AXDND1: variants seen among roughly 807,000 people sequenced by gnomAD.
AXDND1 encodes the protein axonemal dynein light chain domain-containing protein 1.
A neutral mutation model predicts 137.5 loss-of-function variants in AXDND1; 110 were observed. The observed-to-expected ratio is 0.80, with a 90% CI of 0.69 to 0.94. AXDND1 has a LOEUF of 0.94. AXDND1 is among the 40% of genes least tolerant of loss of function. AXDND1 has a pLI of 0.00. For missense variants in AXDND1, 1,191 were observed against 1,169.8 expected (o/e 1.02, Z -0.26); for synonymous variants, 414 against 399.7 (o/e 1.04, Z -0.43).
chr1:179,424,784 T>G (rs1309883898), intron 12 of AXDND1, among the ~76,000 whole-genome samples: 1 of 152,192 alleles, frequency 6.6e-6, no homozygotes, highest in Non-Finnish European at 1.5e-5. Flanking sequence ...AAGTAGCCTG[T>G]ATTTGGGTTC....
intron 16 of AXDND1, among the ~76,000 whole-genome samples, chr1:179,463,111 C>G (rs887644298): frequency 1.3e-5 from 2 of 152,204 alleles, no homozygotes; most frequent in African/African-American, 2.4e-5. Context: ...TTTTGTGTCT[C>G]TATCTCCTCA....
Position 179,486,139 on chromosome 1 carries a change from A to AAAAAAAAACT in AXDND1, c.2091+2920_2091+2921insAAAAAACTAA, listed in dbSNP as rs149119239. Among the ~76,000 whole-genome samples, 55 of 87,774 alleles carry AAAAAAAAACT rather than the reference A, an allele frequency of 6.3e-4. 1 individual carries two copies. Among genetic ancestry groups the AAAAAAAAACT allele is most frequent in the African/African-American group, 6.7e-4 (18 of 26,940 alleles). The allele number at this position is 87,774 out of a possible 152,430, so 57.6% of individuals were successfully genotyped here. ...TGTCTCAAAAAAAAAAAAAAAAAAA[A>AAAAAAAAACT]AACCTGATAGAAATGAAAAACACAC... On this transcript the variant is annotated intron_variant, in intron 18 of 25. Coordinates refer to ENST00000367618, the MANE Select transcript of AXDND1 (RefSeq NM_144696.6).
chr1:179,441,254 G>A (rs1658948789), intron 15 of AXDND1, among the ~76,000 whole-genome samples: 2 of 152,100 alleles, frequency 1.3e-5, no homozygotes, highest in Non-Finnish European at 2.9e-5. Flanking sequence ...CGTTGGGTGG[G>A]GCACAGCATT....
At chr1:179,548,113 C>G (rs1672814614) in intron 25 of AXDND1, among the ~76,000 whole-genome samples, 1 of 152,140 alleles carries the variant, frequency 6.6e-6, no homozygotes, top group South Asian at 2.1e-4. Flanking sequence ...GAACAACCAC[C>G]CTGGGAGCAG....
intron 17 of AXDND1, among the ~76,000 whole-genome samples, chr1:179,478,605 G>A (rs1248935927): frequency 6.6e-6 from 1 of 152,238 alleles, no homozygotes; most frequent in Non-Finnish European, 1.5e-5. Flanking sequence ...TCAGGCCTGT[G>A]ATAGGAGAGG....
chr1:179,382,585 C>T (rs1648555036), intron 6 of AXDND1, 115 bp from the exon 7 acceptor site: 1 of 671,102 alleles, frequency 1.5e-6, no homozygotes, highest in Non-Finnish European at 2.6e-6. Flanking sequence ...AGTACTCATT[C>T]CTTTTAGTGG....
chr1:179,402,890 A>G (rs1652322457), intron 11 of AXDND1, among the ~76,000 whole-genome samples: 1 of 152,216 alleles, frequency 6.6e-6, no homozygotes, highest in Admixed American at 6.5e-5. Flanking sequence ...TCATATTGCT[A>G]AATCCAATGA....
At chr1:179,377,696 G>A (rs908340658) in intron 4 of AXDND1, among the ~76,000 whole-genome samples, 2 of 152,174 alleles carry the variant, frequency 1.3e-5, no homozygotes, top group African/African-American at 4.8e-5. Flanking sequence ...GGGAAGCATG[G>A]TAGAAGATAA....
intron 21 of AXDND1, among the ~76,000 whole-genome samples, chr1:179,516,165 T>C (rs2125659365): frequency 6.6e-6 from 1 of 152,246 alleles, no homozygotes; most frequent in South Asian, 2.1e-4. Context: ...CTTTTTTCTT[T>C]GTCTTTGTTG....
chr1:179,391,298 C>T (rs937808076), intron 9 of AXDND1, among the ~76,000 whole-genome samples: 6 of 151,746 alleles, frequency 4.0e-5, no homozygotes, highest in Non-Finnish European at 7.4e-5. Context: ...TTTTTGGTTA[C>T]ACAGATAAGT....
intron 11 of AXDND1, among the ~76,000 whole-genome samples, chr1:179,408,964 CT>C (rs1260445380): frequency 1.4e-5 from 1 of 71,976 alleles, no homozygotes; most frequent in Non-Finnish European, 2.8e-5. Context: ...TTCTTTTTTT[CT>C]TTCTTTTTTT....
At chr1:179,421,912 C>T (rs369838635) in intron 12 of AXDND1, among the ~76,000 whole-genome samples, 388 of 151,808 alleles carry the variant, frequency 2.6e-3, no homozygotes, top group Non-Finnish European at 4.1e-3. Context: ...TGGTGGCAGG[C>T]GCCTGTAATC....
chr1:179,369,507 C>T (rs1667814533), intron 3 of AXDND1, among the ~76,000 whole-genome samples: 1 of 152,092 alleles, frequency 6.6e-6, no homozygotes, highest in Admixed American at 6.6e-5. Context: ...CAAAAATTAG[C>T]TGGGCATAGT....
At position 179,457,086 on chromosome 1, in the gene AXDND1, C is replaced by G. The variant is rs1024043799; in HGVS notation, c.1799-11357C>G. On this transcript the variant is annotated intron_variant, in intron 16 of 25. Transcript: ENST00000367618. ...CTTGAGACAGCTCTCTTTGGTTCCA[C>G]AACTCTTCCATCCACCTTTTGTGGC... 7 of 1,335,166 alleles carry G rather than the reference C, an allele frequency of 5.2e-6. No homozygotes were observed. In the Admixed American group the frequency reaches 1.2e-4, roughly 22 times the overall value. 82.7% of individuals were successfully genotyped at this position (1,335,166 alleles called of 1,614,324 possible).
chr1:179,414,173 G>T (rs1025094150), intron 12 of AXDND1, among the ~76,000 whole-genome samples: 3 of 148,050 alleles, frequency 2.0e-5, no homozygotes, highest in South Asian at 2.2e-4. Context: ...CTTTAATAAA[G>T]GTTGATGAAT....
rs570019975 is a variant in AXDND1 at position 179,442,464 on chromosome 1, G to A, written c.1564-2506G>A. 1.1e-4 allele frequency among the ~76,000 whole-genome samples: 17 copies of A among 152,284 alleles called. 1 individual carries two copies. The East Asian group carries it at 3.1e-3, about 28-fold the overall frequency. ...TCTATCCCAATTTTCCACATCAAGA[G>A]TGCCTGCCTGTGGAAACCATGGGTT... On this transcript the variant is annotated intron_variant, in intron 15 of 25. Transcript: ENST00000367618.
intron 25 of AXDND1, chr1:179,551,474 A>G: frequency 6.2e-7 from 1 of 1,612,378 alleles, no homozygotes; most frequent in Non-Finnish European, 8.5e-7. Flanking sequence ...TGACGAAAGC[A>G]AAGTGATTGT....
At chr1:179,383,379 T>C in intron 7 of AXDND1, 63 bp from the exon 8 acceptor site, 8 of 1,221,584 alleles carry the variant, frequency 6.5e-6, no homozygotes, top group Non-Finnish European at 9.6e-6. Flanking sequence ...TATATTCTTT[T>C]TGCCATTTGA....
chr1:179,418,039 G>A (rs1391078582), intron 12 of AXDND1, among the ~76,000 whole-genome samples: 1 of 150,116 alleles, frequency 6.7e-6, no homozygotes, highest in Non-Finnish European at 1.5e-5. Context: ...TCTCGCAGAG[G>A]GGGATTTGGC....
Sources: allele counts gnomAD v4.1 joint callset (sites outside exome capture counted in the v4.1 genomes callset), GRCh38; gene constraint gnomAD v4.1.1; transcripts MANE v1.5; gene names NCBI Gene and HGNC (gene_info 2026-07-23, HGNC 2026-07-21).